Variants in DRC4 observed in about 807,000 individuals in gnomAD.
DRC4 encodes the protein dynein regulatory complex subunit 4.
At chr16:90,032,676 G>A in the DRC4 span, 2 of 1,587,192 alleles carry the variant, frequency 1.3e-6, no homozygotes, top group African/African-American at 1.3e-5. Flanking sequence ...AGGTGAGGAG[G>A]TGTGGTGCAG....
the DRC4 span, among the ~76,000 whole-genome samples, chr16:90,024,033 A>C: frequency 6.6e-6 from 1 of 150,646 alleles, no homozygotes. Flanking sequence ...TAAACCCAGC[A>C]CTTTAGGAGT....
At chr16:90,042,811 G>T in the DRC4 span, 2 of 524,926 alleles carry the variant, frequency 3.8e-6, no homozygotes, top group Non-Finnish European at 6.9e-6. Flanking sequence ...CCTGGGCAGG[G>T]AGTCAGAAGG....
the DRC4 span, among the ~76,000 whole-genome samples, chr16:90,021,459 C>A: frequency 6.6e-6 from 1 of 151,502 alleles, no homozygotes; most frequent in Non-Finnish European, 1.5e-5. Flanking sequence ...CATTCTGTTA[C>A]CTAGGCTGGA....
chr16:90,031,863 A>C, the DRC4 span, among the ~76,000 whole-genome samples: 1 of 152,172 alleles, frequency 6.6e-6, no homozygotes, highest in African/African-American at 2.4e-5. Flanking sequence ...AAGGTGAGGC[A>C]TGCAAGTGAG....
chr16:90,036,138 C>T, the DRC4 span: 2 of 582,940 alleles, frequency 3.4e-6, no homozygotes, highest in Non-Finnish European at 5.9e-6. Context: ...ACCCCCAGTG[C>T]AGGGAGCGAT....
At chr16:90,034,925 T>TG in the DRC4 span, among the ~76,000 whole-genome samples, 1 of 122,072 alleles carries the variant, frequency 8.2e-6, no homozygotes, top group East Asian at 2.3e-4. Flanking sequence ...TTTTTTGAGA[T>TG]GGAGTTTTGC....
chr16:90,041,513 A>G, the DRC4 span, among the ~76,000 whole-genome samples: 2 of 151,920 alleles, frequency 1.3e-5, no homozygotes, highest in Non-Finnish European at 2.9e-5. Flanking sequence ...TCTGTTACAA[A>G]AAAGTGGGAT....
the DRC4 span, among the ~76,000 whole-genome samples, chr16:90,027,407 A>G: frequency 2.4e-4 from 36 of 152,250 alleles, 1 homozygote; most frequent in East Asian, 6.6e-3. Context: ...TCTAGAAGGA[A>G]TGTTCTCCTT....
At chr16:90,022,668 C>T in the DRC4 span, 2 of 1,419,614 alleles carry the variant, frequency 1.4e-6, no homozygotes, top group Non-Finnish European at 1.9e-6. Flanking sequence ...GGCGTGGCTT[C>T]CGGGGGCGGG....
At chr16:90,032,845 G>T in the DRC4 span, 1 of 1,613,938 alleles carries the variant, frequency 6.2e-7, no homozygotes, top group South Asian at 1.1e-5. Flanking sequence ...AGTGTGCTGC[G>T]CAAGGACATG....
At chr16:90,022,081 G>C in the DRC4 span, 1 of 152,202 alleles carries the variant, frequency 6.6e-6, no homozygotes, top group African/African-American at 2.4e-5. Flanking sequence ...CTTTTCATCC[G>C]TGAGGAGTGG....
chr16:90,043,001 C>T, the DRC4 span: 1 of 587,738 alleles, frequency 1.7e-6, no homozygotes, highest in Non-Finnish European at 3.0e-6. Context: ...GTGACAGCCT[C>T]TCCCTGTCGT....
the DRC4 span, chr16:90,036,683 A>G: frequency 1.2e-5 from 12 of 974,818 alleles, no homozygotes; most frequent in African/African-American, 6.4e-5. Context: ...CTCCACCCCA[A>G]CACACCCAGT....
the DRC4 span, chr16:90,042,216 G>A: frequency 1.8e-6 from 1 of 545,118 alleles, no homozygotes; most frequent in Non-Finnish European, 3.5e-6. Flanking sequence ...GATCACAGGT[G>A]TGAGCGGCAG....
chr16:90,023,486 G>A, the DRC4 span, among the ~76,000 whole-genome samples: 1 of 152,212 alleles, frequency 6.6e-6, no homozygotes, highest in Non-Finnish European at 1.5e-5. Context: ...AAAGCTCTGG[G>A]AGCCCCACCA....
chr16:90,025,289 G>A, the DRC4 span, among the ~76,000 whole-genome samples: 6 of 151,360 alleles, frequency 4.0e-5, no homozygotes, highest in South Asian at 1.3e-3. Context: ...AAAGTGCTGG[G>A]ATGACAGGTG....
At chr16:90,036,540 A>G in the DRC4 span, 10 of 1,605,860 alleles carry the variant, frequency 6.2e-6, no homozygotes, top group Admixed American at 1.4e-4. Flanking sequence ...AAGAACTACT[A>G]CAACGACATC....
chr16:90,042,522 C>T, the DRC4 span: 1 of 1,613,636 alleles, frequency 6.2e-7, no homozygotes, highest in Middle Eastern at 1.7e-4. Flanking sequence ...TATGAGCTGG[C>T]CCAGGTCTGT....
chr16:90,043,048 G>A, the DRC4 span: 5 of 871,950 alleles, frequency 5.7e-6, no homozygotes, highest in South Asian at 3.7e-5. Context: ...GCTTGGAGCT[G>A]TGTCCCACAC....
Sources: allele counts gnomAD v4.1 joint callset (sites outside exome capture counted in the v4.1 genomes callset), GRCh38; gene constraint gnomAD v4.1.1; transcripts MANE v1.5; gene names NCBI Gene and HGNC (gene_info 2026-07-23, HGNC 2026-07-21).